The following NTM variants were observed in gnomAD, a reference collection of about 807,000 sequenced individuals.
NTM encodes neurotrimin.
A neutral mutation model predicts 42.1 loss-of-function variants in NTM; 13 were observed. The ratio of observed to expected loss-of-function variants is 0.31; its 90% CI spans 0.20 to 0.49. NTM has a LOEUF of 0.49. Ranked by LOEUF, NTM falls within the 20% of genes least tolerant of loss-of-function variation. The probability of loss-of-function intolerance (pLI) is 0.99; values close to 1 mark genes in which losing one functional copy is unlikely to be tolerated. For missense variants in NTM, 373 were observed against 452.8 expected (o/e 0.82, Z 1.60); for synonymous variants, 187 against 179.2 (o/e 1.04, Z -0.35).
chr11:131,449,135 G>A (rs1374832702), intron 1 of NTM, among the ~76,000 whole-genome samples: 2 of 152,332 alleles, frequency 1.3e-5, no homozygotes, highest in East Asian at 3.9e-4. Flanking sequence ...GGCTCAGTCA[G>A]GTTAGGTGCT....
intron 1 of NTM, among the ~76,000 whole-genome samples, chr11:131,799,429 A>G (rs2091916679): frequency 6.6e-6 from 1 of 152,088 alleles, no homozygotes; most frequent in South Asian, 2.1e-4. Flanking sequence ...AACAAATCAA[A>G]AAGGATTTTA....
intron 4 of NTM, among the ~76,000 whole-genome samples, chr11:132,304,341 A>G (rs913335331): frequency 1.3e-5 from 2 of 152,036 alleles, no homozygotes; most frequent in Admixed American, 6.5e-5. Flanking sequence ...GGTTATATCA[A>G]GTGGTTTGCC....
intron 4 of NTM, among the ~76,000 whole-genome samples, chr11:132,285,514 C>A (rs142223218): frequency 1.3e-5 from 2 of 152,264 alleles, no homozygotes; most frequent in African/African-American, 4.8e-5. Context: ...CCCTCGACAG[C>A]CTGAGGCACA....
rs1952943733 is a variant in NTM at position 131,476,385 on chromosome 11, G to A, written c.82+105497G>A. Among the ~76,000 whole-genome samples, 4 of 152,210 alleles carry A rather than the reference G, an allele frequency of 2.6e-5. 1 individual carries two copies. In the South Asian group the frequency reaches 8.3e-4, roughly 32 times the overall value. On this transcript the variant is annotated intron_variant, in intron 1 of 8. Coordinates refer to ENST00000683400, the MANE Select transcript of NTM (RefSeq NM_001352005.2). Reference sequence around the variant, plus strand: ...GCTAATCATGTACCTGGGCCCTGTGGCCATGCTTAGGATTGGAGAAGGTCT... The same window carrying A: ...GCTAATCATGTACCTGGGCCCTGTGACCATGCTTAGGATTGGAGAAGGTCT...
intron 1 of NTM, among the ~76,000 whole-genome samples, chr11:131,883,547 G>A (rs1004531690): frequency 3.3e-5 from 5 of 152,194 alleles, no homozygotes; most frequent in African/African-American, 1.2e-4. Context: ...CTGTTCAAAT[G>A]AAGAAACTGA....
At chr11:131,496,019 C>A (rs979664656) in intron 1 of NTM, among the ~76,000 whole-genome samples, 2 of 152,184 alleles carry the variant, frequency 1.3e-5, no homozygotes, top group Non-Finnish European at 2.9e-5. Flanking sequence ...TGGCTAAATT[C>A]AAAGCTGAAC....
At chr11:132,214,330 A>G (rs2083426770) in intron 4 of NTM, among the ~76,000 whole-genome samples, 1 of 152,046 alleles carries the variant, frequency 6.6e-6, no homozygotes, top group South Asian at 2.1e-4. Flanking sequence ...TCTGCAGAAC[A>G]TTTATCATCA....
intron 1 of NTM, among the ~76,000 whole-genome samples, chr11:131,496,240 G>GACA (rs1955326398): frequency 6.6e-6 from 1 of 152,200 alleles, no homozygotes; most frequent in African/African-American, 2.4e-5. Context: ...GAATAACCTA[G>GACA]ACAGCAGCTT....
chr11:131,899,300 C>T (rs1372283660), intron 1 of NTM, among the ~76,000 whole-genome samples: 1 of 152,140 alleles, frequency 6.6e-6, no homozygotes, highest in Non-Finnish European at 1.5e-5. Context: ...GGCCAACTAA[C>T]CCTGCCTAAA....
chr11:131,467,932 C>T (rs1048785966), intron 1 of NTM, among the ~76,000 whole-genome samples: 1 of 152,178 alleles, frequency 6.6e-6, no homozygotes, highest in Non-Finnish European at 1.5e-5. Context: ...CCTCATGTTT[C>T]CTCTGTCTAT....
chr11:132,103,617 A>G (rs2061900922), intron 2 of NTM, among the ~76,000 whole-genome samples: 2 of 152,204 alleles, frequency 1.3e-5, no homozygotes, highest in Non-Finnish European at 2.9e-5. Flanking sequence ...TACCTATGGC[A>G]CCTGCTCTTT....
intron 1 of NTM, among the ~76,000 whole-genome samples, chr11:131,714,709 T>C (rs1009139549): frequency 7.9e-5 from 12 of 152,242 alleles, no homozygotes; most frequent in African/African-American, 2.2e-4. Flanking sequence ...AGTAGCACAG[T>C]GTAAGTCATG....
chr11:132,275,741 TA>T (rs2093695423), intron 4 of NTM, among the ~76,000 whole-genome samples: 1 of 27,556 alleles, frequency 3.6e-5, no homozygotes, highest in African/African-American at 2.2e-4. Flanking sequence ...TATACGTATA[TA>T]TATATGTGTA....
In NTM at chr11:131,735,617, A is replaced by G. The variant is rs559056611; in HGVS notation, c.83-175947A>G. ...CAAAGTGTTTTTGAGTTTGAGCAAG[A>G]ATACATCACTGAGTTCTACCTTTGA... is the stretch of plus-strand genomic sequence containing the variant. On this transcript the variant is annotated intron_variant, in intron 1 of 8. Transcript: ENST00000683400. Among the ~76,000 whole-genome samples the G allele has an allele frequency of 3.2e-4, 49 of 152,202 alleles. 1 individual carries two copies. Among genetic ancestry groups the G allele is most frequent in the Admixed American group, 5.2e-4 (8 of 15,282 alleles).
In NTM at chr11:131,789,634, GA is replaced by G. The variant is rs749417794; in HGVS notation, c.83-121926del. On this transcript the variant is annotated intron_variant, in intron 1 of 8. Transcript: ENST00000683400. ...AGAAGAAGAAGAAGAAGAAGAAGAAGAAAAGAAGAAGAAGAAGAAGAAGAAG... is the reference window on the plus strand; with the variant it reads ...AGAAGAAGAAGAAGAAGAAGAAGAAGAAAGAAGAAGAAGAAGAAGAAGAAG... Among the ~76,000 whole-genome samples the G allele has an allele frequency of 2.4e-3, 80 of 33,824 alleles. 17 individuals carry two copies. The highest frequency in any genetic ancestry group is 7.2e-3 in the African/African-American group (58 of 8,002). The allele number at this position is 33,824 out of a possible 152,430, so 22.2% of individuals were successfully genotyped here.
chr11:131,990,626 A>G (rs971824977), intron 2 of NTM, among the ~76,000 whole-genome samples: 2 of 152,156 alleles, frequency 1.3e-5, no homozygotes, highest in Non-Finnish European at 2.9e-5. Context: ...TGACTTTCAA[A>G]TCAGGAATTA....
chr11:132,309,190 G>A (rs776576753), intron 5 of NTM, among the ~76,000 whole-genome samples: 5 of 152,184 alleles, frequency 3.3e-5, no homozygotes, highest in Non-Finnish European at 7.3e-5. Context: ...CCAGTTTATT[G>A]TGGCTGTTTT....
At chr11:131,605,834 C>A (rs1224176390) in intron 1 of NTM, 1 of 983,966 alleles carries the variant, frequency 1.0e-6, no homozygotes, top group East Asian at 1.1e-4. Flanking sequence ...TTTCTAACTG[C>A]CTGGAAGCCT....
At chr11:131,410,657 C>A (rs761669383) in intron 1 of NTM, among the ~76,000 whole-genome samples, 1 of 151,692 alleles carries the variant, frequency 6.6e-6, no homozygotes, top group South Asian at 2.1e-4. Context: ...GTCGCCTTAA[C>A]GGAAGAATAT....
Sources: allele counts gnomAD v4.1 joint callset (sites outside exome capture counted in the v4.1 genomes callset), GRCh38; gene constraint gnomAD v4.1.1; transcripts MANE v1.5; gene names NCBI Gene and HGNC (gene_info 2026-07-23, HGNC 2026-07-21).